The following ZNF180 variants were observed in gnomAD, a reference collection of about 807,000 sequenced individuals.
ZNF180 encodes zinc finger protein 180 (HHZ168).
A neutral mutation model predicts 11.8 loss-of-function variants in ZNF180; 11 were observed. The ratio of observed to expected loss-of-function variants is 0.93; its 90% confidence interval spans 0.59 to 1.55. The LOEUF (loss-of-function observed/expected upper bound fraction) is 1.55. Among genes scored for constraint, ZNF180 ranks in the 40% most tolerant of loss-of-function variants. The pLI is 0.00. For missense variants in ZNF180, 773 were observed against 781.7 expected, an observed-to-expected ratio of 0.99 and a Z score of 0.13; for synonymous variants, 287 against 257.7, an observed-to-expected ratio of 1.11 and a Z score of -1.09.
intron 2 of ZNF180, among the ~76,000 whole-genome samples, chr19:44,489,941 G>T (rs935504487): frequency 1.4e-5 from 2 of 138,772 alleles, no homozygotes; most frequent in Non-Finnish European, 3.1e-5. Context: ...AGAAAGACAG[G>T]AAAGAAAGAG....
chr19:44,488,332 C>CT (rs1970303084), intron 2 of ZNF180, among the ~76,000 whole-genome samples: 1 of 151,996 alleles, frequency 6.6e-6, no homozygotes, highest in African/African-American at 2.4e-5. Flanking sequence ...CTGGACTGTA[C>CT]TGCTGCCATC....
chr19:44,478,609 A>G (rs537019210), intron 4 of ZNF180, among the ~76,000 whole-genome samples: 7 of 152,344 alleles, frequency 4.6e-5, no homozygotes, highest in Admixed American at 2.6e-4. Context: ...GCATGAGGAA[A>G]CTATGTTTGT....
chr19:44,489,754 G>GAAAAAAAA (rs999660064), intron 2 of ZNF180, among the ~76,000 whole-genome samples: 3 of 102,320 alleles, frequency 2.9e-5, no homozygotes, highest in Non-Finnish European at 4.2e-5. Flanking sequence ...AAGAAAAAAA[G>GAAAAAAAA]AAAAAAAAAA....
At chr19:44,485,146 G>A (rs1970193157) in intron 2 of ZNF180, 1 of 122,004 alleles carries the variant, frequency 8.2e-6, no homozygotes, top group African/African-American at 3.3e-5. Context: ...AGGCAACAGA[G>A]CAAGACTCCA....
chr19:44,496,525 A>G (rs12327834), intron 2 of ZNF180: 1 of 151,632 alleles, frequency 6.6e-6, no homozygotes, highest in South Asian at 2.1e-4. Flanking sequence ...CAAAAAATAT[A>G]AGCCAGGCTT....
chr19:44,488,280 C>T (rs1359420303), intron 2 of ZNF180, among the ~76,000 whole-genome samples: 1 of 150,036 alleles, frequency 6.7e-6, no homozygotes, highest in Admixed American at 6.6e-5. Context: ...CGGTCTCCCT[C>T]TCCCTCTCTT....
At chr19:44,496,483 T>C (rs116537398) in intron 2 of ZNF180, 1 of 150,582 alleles carries the variant, frequency 6.6e-6, no homozygotes, top group African/African-American at 2.4e-5. Context: ...TGAGATATCG[T>C]TTCTACAAAA....
At chr19:44,483,478 T>A (rs1338439414) in intron 3 of ZNF180, among the ~76,000 whole-genome samples, 1 of 152,222 alleles carries the variant, frequency 6.6e-6, no homozygotes, top group East Asian at 1.9e-4. Context: ...TATAAATTAA[T>A]GGCCACTATC....
Position 44,480,310 on chromosome 19 carries a change from G to A in ZNF180, c.127-901C>T, listed in dbSNP as rs58772348. Reference sequence around the variant, plus strand: ...TGTAGAGACAGACCCTCAATATATTGCTTAGGCTGGTCTCAGACTCCTGTG... The same window carrying A: ...TGTAGAGACAGACCCTCAATATATTACTTAGGCTGGTCTCAGACTCCTGTG... On this transcript the variant is annotated intron_variant, in intron 3 of 4. Transcript: ENST00000592529. Among the ~76,000 whole-genome samples the A allele has an allele frequency of 1.4e-3, 209 of 152,170 alleles. 2 individuals are homozygous for A. In the East Asian group the frequency reaches 0.038, roughly 28 times the overall value.
chr19:44,494,340 G>A (rs763196609), intron 2 of ZNF180, among the ~76,000 whole-genome samples: 3 of 152,146 alleles, frequency 2.0e-5, no homozygotes, highest in Admixed American at 6.5e-5. Context: ...CTAGTGCCTC[G>A]CTTAAATTAG....
Position 44,495,197 on chromosome 19 carries a change from G to A in ZNF180, c.51+2087C>T, listed in dbSNP as rs1600096405. Among the ~76,000 whole-genome samples the A allele has an allele frequency of 1.3e-5, 2 of 152,204 alleles. No homozygotes were observed. The highest frequency in any genetic ancestry group is 4.8e-5 in the African/African-American group (2 of 41,536). ...ACTTACTTATCTGATCTAGCCCCCTGTAGGTAGTTCCTCTCCCATTTCCAC... is the reference window on the plus strand; with the variant it reads ...ACTTACTTATCTGATCTAGCCCCCTATAGGTAGTTCCTCTCCCATTTCCAC... On this transcript the variant is annotated intron_variant, in intron 2 of 4. Coordinates refer to ENST00000592529, the MANE Select transcript of ZNF180 (RefSeq NM_001278509.3). The surrounding 1 kb of genome is among the most constrained non-coding windows in gnomAD (Gnocchi z 4.5).
chr19:44,478,162 A>G lies in ZNF180; in HGVS notation c.254-16T>C, dbSNP rs756573683. 5 of 1,529,436 alleles carry G rather than the reference A, an allele frequency of 3.3e-6. No homozygotes were observed. Among genetic ancestry groups the G allele is most frequent in the East Asian group, 2.3e-5 (1 of 43,812 alleles). 94.7% of individuals were successfully genotyped at this position (1,529,436 alleles called of 1,614,324 possible). On this transcript the variant is annotated splice_polypyrimidine_tract_variant and intron_variant, in intron 4 of 4. Transcript: ENST00000592529. ...GTTGCCAAGTCTGAAAGAAAGCAAT[A>G]TAAGACATCTTAGTCAAAAAATATT...
intron 2 of ZNF180, among the ~76,000 whole-genome samples, chr19:44,488,086 C>A (rs1970282089): frequency 5.1e-5 from 3 of 58,842 alleles, no homozygotes; most frequent in Admixed American, 2.4e-4. Flanking sequence ...CTCCCTCTCC[C>A]CACGGTCTCC....
At chr19:44,480,970 A>T (rs1284441012) in intron 3 of ZNF180, among the ~76,000 whole-genome samples, 2 of 152,208 alleles carry the variant, frequency 1.3e-5, no homozygotes, top group Non-Finnish European at 2.9e-5. Context: ...CAGTCTTCAA[A>T]TAACAGTTCT....
intron 3 of ZNF180, 105 bp from the exon 4 acceptor site, chr19:44,479,514 G>T (rs1970024666): frequency 6.6e-7 from 1 of 1,514,708 alleles, no homozygotes; most frequent in South Asian, 1.2e-5. Flanking sequence ...GGTGACCTGG[G>T]AGTTGTCCTT....
At position 44,476,606 on chromosome 19, in the gene ZNF180, T is replaced by A. The variant is rs986765209; in HGVS notation, c.1794A>T (p.Arg598Ser). The A allele has an allele frequency of 3.7e-6, 6 of 1,614,068 alleles. No individual in the cohort carries two copies. The highest frequency in any genetic ancestry group is 5.1e-6 in the Non-Finnish European group (6 of 1,180,018). Reference protein sequence around the residue: ...RQSSCLTQHQRTHTGEKPFEC... With the variant: ...RQSSCLTQHQSTHTGEKPFEC... ...CAAATGGTTTCTCTCCAGTATGAGT[T>A]CTCTGATGTTGAGTAAGGCATGAAC... Residue 598 changes from arginine (R) to serine (S), a missense_variant, in exon 5 of 5, where the codon AGA becomes AGT. Coordinates refer to ENST00000592529, the MANE Select transcript of ZNF180 (RefSeq NM_001278509.3).
At chr19:44,498,511 G>A (rs3786497) in intron 1 of ZNF180, among the ~76,000 whole-genome samples, 26,898 of 151,960 alleles carry the variant, frequency 0.18, 2,451 homozygotes, top group Middle Eastern at 0.29. Context: ...AACATCTTTC[G>A]GGGGCACCTG....
chr19:44,476,098 A>AT lies in ZNF180; in HGVS notation c.*303dup. The stretch of plus-strand genomic sequence containing the variant: ...CACTGGCAGTTGGCTTTGGCATATG[A>AT]TTTTCTCTGATTCAGGTCTGAGTGC... On this transcript the variant is annotated 3_prime_UTR_variant, in exon 5 of 5. Transcript: ENST00000592529. 1 of 241,404 alleles carries AT rather than the reference A, an allele frequency of 4.1e-6. No homozygotes were observed. The highest frequency in any genetic ancestry group is 5.0e-5 in the Admixed American group (1 of 19,852). 15.0% of individuals were successfully genotyped at this position (241,404 alleles called of 1,614,324 possible). A position where few individuals can be genotyped will look rare whatever the true frequency, so the allele number is the denominator to read the frequency against.
At chr19:44,494,074 C>T (rs1472809663) in intron 2 of ZNF180, among the ~76,000 whole-genome samples, 1 of 152,166 alleles carries the variant, frequency 6.6e-6, no homozygotes, top group African/African-American at 2.4e-5. Context: ...TAACAGATAA[C>T]TAATACAACA....
Sources: gnomAD v4.1 joint callset for allele counts (sites outside exome capture counted in the v4.1 genomes callset) on GRCh38, gnomAD v4.1.1 for gene constraint, Gnocchi (gnomAD v3.1) non-coding constraint, MANE v1.5 for transcripts, NCBI Gene and HGNC (gene_info 2026-07-23, HGNC 2026-07-21) for gene names.